LOC128462377: variants seen among roughly 807,000 people sequenced by gnomAD.
At chr16:89,324,864 T>G in the LOC128462377 span, 3 of 278,356 alleles carry the variant, frequency 1.1e-5, no homozygotes, top group South Asian at 1.0e-4. Flanking sequence ...ATTGTGGGAC[T>G]TCACCTCATG....
the LOC128462377 span, among the ~76,000 whole-genome samples, chr16:89,374,330 G>A: frequency 6.7e-6 from 1 of 148,514 alleles, no homozygotes; most frequent in Non-Finnish European, 1.5e-5. Flanking sequence ...CTCACCATGT[G>A]TTTTTGTAAA....
At chr16:89,411,979 G>A in the LOC128462377 span, among the ~76,000 whole-genome samples, 15 of 124,956 alleles carry the variant, frequency 1.2e-4, no homozygotes, top group African/African-American at 4.4e-4. Flanking sequence ...GCCAGGTACT[G>A]GGCTGAGATG....
At chr16:89,387,243 G>C in the LOC128462377 span, among the ~76,000 whole-genome samples, 11 of 150,378 alleles carry the variant, frequency 7.3e-5, no homozygotes, top group African/African-American at 2.7e-4. Context: ...AAAAAAAAAA[G>C]CATCTCTCAA....
chr16:89,358,380 C>T, the LOC128462377 span, among the ~76,000 whole-genome samples: 2 of 152,246 alleles, frequency 1.3e-5, no homozygotes, highest in African/African-American at 2.4e-5. Flanking sequence ...ACATGCACAG[C>T]TTAGCGACCA....
chr16:89,387,127 G>C, the LOC128462377 span, among the ~76,000 whole-genome samples: 1 of 152,126 alleles, frequency 6.6e-6, no homozygotes, highest in African/African-American at 2.4e-5. Context: ...CAGCGAGGGT[G>C]GGAGAGGTAG....
At chr16:89,357,433 G>A in the LOC128462377 span, among the ~76,000 whole-genome samples, 3 of 151,972 alleles carry the variant, frequency 2.0e-5, no homozygotes, top group African/African-American at 7.3e-5. Flanking sequence ...ACATATAATG[G>A]TGCAACTGCC....
chr16:89,341,436 T>G, the LOC128462377 span, among the ~76,000 whole-genome samples: 1 of 152,218 alleles, frequency 6.6e-6, no homozygotes, highest in African/African-American at 2.4e-5. Flanking sequence ...ACCAAGCAGC[T>G]TCCCAGCCTT....
chr16:89,375,782 A>G, the LOC128462377 span, among the ~76,000 whole-genome samples: 1 of 151,680 alleles, frequency 6.6e-6, no homozygotes, highest in East Asian at 1.9e-4. Context: ...AAAAAAAAAA[A>G]AAAAAAAGCC....
chr16:89,347,876 T>A, the LOC128462377 span, among the ~76,000 whole-genome samples: 1,563 of 152,194 alleles, frequency 0.01, 24 homozygotes, highest in African/African-American at 0.035. Flanking sequence ...TCCATCAGAC[T>A]GAGGAAACTC....
At chr16:89,410,839 C>A in the LOC128462377 span, among the ~76,000 whole-genome samples, 1 of 152,226 alleles carries the variant, frequency 6.6e-6, no homozygotes, top group African/African-American at 2.4e-5. Flanking sequence ...TGGGGAGTGG[C>A]CAACTGTGGC....
the LOC128462377 span, among the ~76,000 whole-genome samples, chr16:89,374,585 G>A: frequency 1.3e-5 from 2 of 152,216 alleles, no homozygotes; most frequent in Admixed American, 1.3e-4. Context: ...TCCAGGATGC[G>A]CCATCTACAG....
the LOC128462377 span, chr16:89,317,214 G>T: frequency 2.9e-6 from 2 of 700,384 alleles, no homozygotes; most frequent in Non-Finnish European, 5.1e-6. Flanking sequence ...CCCGGGCCAG[G>T]CCCAGGAAGG....
chr16:89,411,633 C>T, the LOC128462377 span, among the ~76,000 whole-genome samples: 7 of 152,048 alleles, frequency 4.6e-5, no homozygotes, highest in Admixed American at 6.5e-5. Flanking sequence ...AGGCTGGTCT[C>T]GAACTCCTGA....
At chr16:89,405,584 T>G in the LOC128462377 span, among the ~76,000 whole-genome samples, 1 of 147,774 alleles carries the variant, frequency 6.8e-6, no homozygotes, top group African/African-American at 2.5e-5. Context: ...TCCTCCCGCC[T>G]CAGCCTCCCA....
chr16:89,334,687 C>T, the LOC128462377 span, among the ~76,000 whole-genome samples: 1 of 152,138 alleles, frequency 6.6e-6, no homozygotes, highest in Non-Finnish European at 1.5e-5. Context: ...GGAGCAACAT[C>T]CCAGGCACAC....
the LOC128462377 span, among the ~76,000 whole-genome samples, chr16:89,359,899 T>C: frequency 1.3e-5 from 2 of 152,130 alleles, no homozygotes; most frequent in Admixed American, 1.3e-4. Context: ...AGTTTATATG[T>C]TTTTTAACTT....
chr16:89,399,318 G>A, the LOC128462377 span, among the ~76,000 whole-genome samples: 2 of 152,086 alleles, frequency 1.3e-5, no homozygotes, highest in Admixed American at 6.5e-5. Context: ...TAAACACCCG[G>A]CGTCCATCCA....
At chr16:89,373,923 G>C in the LOC128462377 span, among the ~76,000 whole-genome samples, 1 of 152,224 alleles carries the variant, frequency 6.6e-6, no homozygotes, top group South Asian at 2.1e-4. Context: ...ACACGGGACA[G>C]GGTCATCAGG....
chr16:89,375,292 T>G, the LOC128462377 span, among the ~76,000 whole-genome samples: 1 of 152,130 alleles, frequency 6.6e-6, no homozygotes, highest in Non-Finnish European at 1.5e-5. Flanking sequence ...AGTAAACAAA[T>G]TATCTCAAGC....
Sources: gnomAD v4.1 joint callset for allele counts (sites outside exome capture counted in the v4.1 genomes callset) on GRCh38, gnomAD v4.1.1 for gene constraint, MANE v1.5 for transcripts.